MTMR1: variants seen among roughly 807,000 people sequenced by gnomAD.
The protein encoded by MTMR1 is myotubularin related protein 1, also known as phosphatidylinositol-3-phosphate phosphatase MTMR1.
MTMR1 carries 17 observed loss-of-function variants against 51.6 expected under a neutral mutation model. That is an observed-to-expected ratio of 0.33 (90% CI 0.23 to 0.49). MTMR1 has a LOEUF of 0.49. MTMR1 is among the 20% of genes least tolerant of loss of function. MTMR1 has a pLI of 0.99. For synonymous variants in MTMR1, 201 were observed against 205.6 expected (o/e 0.98, Z 0.19); for missense variants, 386 against 526.9 (o/e 0.73, Z 2.62).
At chrX:150,704,565 G>A (rs2041028658) in intron 2 of MTMR1, among the ~76,000 whole-genome samples, 1 of 111,702 alleles carries the variant, frequency 9.0e-6, no homozygotes, top group Non-Finnish European at 1.9e-5. Context: ...CAACAATGAG[G>A]CACCCCTTTT....
intron 4 of MTMR1, among the ~76,000 whole-genome samples, chrX:150,722,969 A>G (rs980956323): frequency 9.2e-5 from 10 of 108,379 alleles, no homozygotes; most frequent in Non-Finnish European, 5.7e-5. Context: ...GTCATTTAGC[A>G]TTAGGTATAT....
chrX:150,762,041 T>C (rs1250495972), intron 15 of MTMR1, among the ~76,000 whole-genome samples: 1 of 112,653 alleles, frequency 8.9e-6, no homozygotes, highest in Non-Finnish European at 1.9e-5. Flanking sequence ...TCCGGGGGGC[T>C]TCTGGCAGAT....
In MTMR1 at chrX:150,693,427, G is replaced by T; in HGVS notation, c.-104G>T. The T allele has an allele frequency of 1.3e-6, 1 of 751,794 alleles. No individual in the cohort carries two copies. Among genetic ancestry groups the T allele is most frequent in the African/African-American group, 2.3e-5 (1 of 43,647 alleles). 62.0% of individuals were successfully genotyped at this position (751,794 alleles called of 1,213,427 possible). A position where few individuals can be genotyped will look rare whatever the true frequency, so the allele number is the denominator to read the frequency against. On this transcript the variant is annotated 5_prime_UTR_variant, in exon 1 of 16. Transcript: ENST00000445323. ...TAATGGCGGCGGCCGCCTGAGGCGG[G>T]CGGGCGGTATAGAGCGGGCGGCAGG...
chrX:150,694,635 C>G (rs1464781766), intron 1 of MTMR1, among the ~76,000 whole-genome samples: 2 of 112,408 alleles, frequency 1.8e-5, no homozygotes, highest in Non-Finnish European at 3.8e-5. Flanking sequence ...GTTTCTACCT[C>G]AGTGTAATTA....
chrX:150,747,065 C>T (rs1020411248), intron 13 of MTMR1, among the ~76,000 whole-genome samples: 2 of 111,037 alleles, frequency 1.8e-5, no homozygotes, highest in African/African-American at 6.6e-5. Context: ...CTTTAGAGTC[C>T]CAAAGACACT....
intron 10 of MTMR1, among the ~76,000 whole-genome samples, chrX:150,733,729 G>T (rs1557417073): frequency 9.0e-6 from 1 of 111,016 alleles, no homozygotes; most frequent in Admixed American, 9.6e-5. Flanking sequence ...CTCATGTCAT[G>T]GGTTGTGTGA....
chrX:150,717,357 CAAAAAAAA>C (rs35558897), intron 3 of MTMR1, among the ~76,000 whole-genome samples: 2 of 42,750 alleles, frequency 4.7e-5, no homozygotes, highest in East Asian at 7.9e-4. Flanking sequence ...GACTCCATCT[CAAAAAAAA>C]AAAAAAAAAA....
intron 13 of MTMR1, among the ~76,000 whole-genome samples, chrX:150,745,948 C>A (rs190620379): frequency 2.7e-5 from 3 of 112,269 alleles, no homozygotes; most frequent in African/African-American, 9.7e-5. Flanking sequence ...AACTTGGAGA[C>A]CATTGCTGTA....
At chrX:150,757,384 C>G (rs1310470313) in intron 15 of MTMR1, among the ~76,000 whole-genome samples, 1 of 112,909 alleles carries the variant, frequency 8.9e-6, no homozygotes, top group African/African-American at 3.2e-5. Context: ...CTCTTCTTTC[C>G]TAGATGGCTT....
At chrX:150,755,449 A>G (rs1557417715) in intron 14 of MTMR1, among the ~76,000 whole-genome samples, 1 of 111,980 alleles carries the variant, frequency 8.9e-6, no homozygotes, top group Non-Finnish European at 1.9e-5. Flanking sequence ...CCATAGACAC[A>G]GTTGTCGGAT....
rs1557417739 is a variant in MTMR1 at position 150,755,824 on chromosome X, G to A, written c.1816G>A (p.Val606Ile). Residue 606 changes from valine to isoleucine, a missense_variant, in exon 15 of 16, where the codon GTA becomes ATA. Val to Ile is a conservative substitution (Grantham distance 29). Transcript: ENST00000445323. ...TAGTCTGAGTCATTTGGAATTGTGG[G>A]TAAATTATTATGTACGATGGAATCC... Reference protein sequence around the residue: ...VASLSHLELWVNYYVRWNPRM... With the variant: ...VASLSHLELWINYYVRWNPRM... 1 of 1,206,351 alleles carries A rather than the reference G, an allele frequency of 8.3e-7. No individual in the cohort carries two copies.
intron 1 of MTMR1, among the ~76,000 whole-genome samples, chrX:150,695,522 A>T (rs2040638816): frequency 8.9e-6 from 1 of 111,828 alleles, no homozygotes; most frequent in South Asian, 3.7e-4. Context: ...TTTGCTGAAG[A>T]TTGGTTGGTT....
intron 15 of MTMR1, among the ~76,000 whole-genome samples, chrX:150,759,951 G>A (rs145677088): frequency 0.044 from 4,797 of 109,346 alleles, 248 homozygotes; most frequent in Middle Eastern, 0.11. Flanking sequence ...GCCAGATCCC[G>A]TCTCTGGCAG....
intron 7 of MTMR1, 54 bp from the exon 8 acceptor site, chrX:150,730,471 T>G: frequency 1.2e-6 from 1 of 803,680 alleles, no homozygotes; most frequent in African/African-American, 2.1e-5. Context: ...TAATATTGGG[T>G]ATATGATATA....
Position 150,755,668 on chromosome X carries a change from A to G in MTMR1, c.1681-21A>G, listed in dbSNP as rs1467581026. ...TGATATGAAGAAAAGTTTATTTCCA[A>G]TGTTCTTTTTTGTTTTTCAGGATGT... On this transcript the variant is annotated intron_variant, in intron 14 of 15. Transcript: ENST00000445323. The G allele has an allele frequency of 2.2e-5, 25 of 1,117,450 alleles. No homozygotes were observed. In the East Asian group the frequency reaches 5.2e-4, roughly 23 times the overall value. 92.1% of individuals were successfully genotyped at this position (1,117,450 alleles called of 1,213,427 possible).
At position 150,762,769 on chromosome X, in the gene MTMR1, C is replaced by T. The variant is rs782753199; in HGVS notation, c.*40C>T. The T allele has an allele frequency of 8.8e-7, 1 of 1,131,477 alleles. No homozygotes were observed. Among genetic ancestry groups the T allele is most frequent in the Non-Finnish European group, 1.2e-6 (1 of 852,855 alleles). 93.2% of individuals were successfully genotyped at this position (1,131,477 alleles called of 1,213,427 possible). A position where few individuals can be genotyped will look rare whatever the true frequency, so the allele number is the denominator to read the frequency against. On this transcript the variant is annotated 3_prime_UTR_variant, in exon 16 of 16. Coordinates refer to ENST00000445323, the MANE Select transcript of MTMR1 (RefSeq NM_001306144.3). ...CTGCTGCTCCACTGTCTCCCGGTGG[C>T]TCAGGAAAGGGACCTGGCGATCACT... is the stretch of plus-strand genomic sequence containing the variant.
chrX:150,746,033 T>C (rs781966349), intron 13 of MTMR1, among the ~76,000 whole-genome samples: 1 of 112,255 alleles, frequency 8.9e-6, no homozygotes, highest in South Asian at 3.7e-4. Flanking sequence ...TCTGATTCAG[T>C]GGGGCTGAGG....
intron 12 of MTMR1, among the ~76,000 whole-genome samples, chrX:150,741,034 T>C (rs1384231045): frequency 9.0e-6 from 1 of 111,648 alleles, no homozygotes; most frequent in Admixed American, 9.5e-5. Context: ...CAACACGAGG[T>C]TTAGGAGGAC....
intron 14 of MTMR1, chrX:150,751,107 C>G (rs781986931): frequency 1.0e-5 from 11 of 1,069,820 alleles, no homozygotes; most frequent in Non-Finnish European, 1.2e-5. Flanking sequence ...CTCCTGACTC[C>G]GAGTTCATGT....
Sources: gnomAD v4.1 joint callset for allele counts (sites outside exome capture counted in the v4.1 genomes callset) on GRCh38, gnomAD v4.1.1 for gene constraint, MANE v1.5 for transcripts, NCBI Gene and HGNC (gene_info 2026-07-23, HGNC 2026-07-21) for gene names.